CDH12: variants seen among roughly 807,000 people sequenced by gnomAD.
CDH12 encodes the protein cadherin-12.
A neutral mutation model predicts 74.1 loss-of-function variants in CDH12; 41 were observed. The observed-to-expected ratio is 0.55, with a 90% CI of 0.43 to 0.72. The LOEUF (loss-of-function observed/expected upper bound fraction) is 0.72, where lower values mean the gene tolerates loss of function less well. Among genes scored for constraint, CDH12 ranks in the 30% least tolerant of loss-of-function variants. CDH12 has a pLI of 0.00. For missense variants in CDH12, 945 were observed against 977.2 expected (o/e 0.97, Z 0.44); for synonymous variants, 399 against 355.0 (o/e 1.12, Z -1.39).
rs150664576 is a variant in CDH12, at chr5:22,736,020, T to C, written c.-523+117038A>G. Among the ~76,000 whole-genome samples, 27 of 151,996 alleles carry C rather than the reference T, an allele frequency of 1.8e-4. No homozygotes were observed. The East Asian group carries it at 4.3e-3, about 24-fold the overall frequency. On this transcript the variant is annotated intron_variant, in intron 1 of 14. Transcript: ENST00000382254. ...TATAATTCATATTCTGATTTTCTATTATCTAACAATTATTTGACCATGTCA... is the reference window on the plus strand; with the variant it reads ...TATAATTCATATTCTGATTTTCTATCATCTAACAATTATTTGACCATGTCA...
chr5:21,844,570 A>G (rs1750055508), intron 7 of CDH12, among the ~76,000 whole-genome samples: 1 of 152,128 alleles, frequency 6.6e-6, no homozygotes, highest in Non-Finnish European at 1.5e-5. Flanking sequence ...CACTCATCAG[A>G]AACAGGGTAG....
intron 5 of CDH12, among the ~76,000 whole-genome samples, chr5:22,056,753 T>C (rs556588046): frequency 5.3e-5 from 8 of 152,298 alleles, no homozygotes; most frequent in Admixed American, 3.3e-4. Flanking sequence ...ACATATATTA[T>C]CCCACATGTG....
At chr5:22,314,358 G>T in intron 3 of CDH12, among the ~76,000 whole-genome samples, 1 of 152,130 alleles carries the variant, frequency 6.6e-6, no homozygotes, top group East Asian at 1.9e-4. Context: ...AGTTAAAAAT[G>T]GGGCTTTTAG....
chr5:22,604,406 C>T (rs560574715), intron 1 of CDH12, among the ~76,000 whole-genome samples: 3 of 152,282 alleles, frequency 2.0e-5, no homozygotes, highest in African/African-American at 7.2e-5. Flanking sequence ...TCCCAAGCCA[C>T]ACATGCAGCT....
chr5:22,318,883 A>G lies in CDH12; in HGVS notation c.-333+86374T>C, dbSNP rs75068712. Among the ~76,000 whole-genome samples the G allele has an allele frequency of 1.5e-3, 225 of 151,440 alleles. 1 individual carries two copies. The highest frequency in any genetic ancestry group is 0.01 in the Middle Eastern group (3 of 294). Reference sequence around the variant, plus strand: ...TTAAAATATGCCTGTCTGGTAGGGGAAAAAAAAACAGTTAATGGCTTTGCT... The same window carrying G: ...TTAAAATATGCCTGTCTGGTAGGGGGAAAAAAAACAGTTAATGGCTTTGCT... On this transcript the variant is annotated intron_variant, in intron 3 of 14. Coordinates refer to ENST00000382254, the MANE Select transcript of CDH12 (RefSeq NM_004061.5).
intron 1 of CDH12, among the ~76,000 whole-genome samples, chr5:22,812,583 A>G (rs1372083635): frequency 6.6e-6 from 1 of 152,148 alleles, no homozygotes; most frequent in Non-Finnish European, 1.5e-5. Context: ...TCTGACAAGG[A>G]AAAAAGTAGG....
intron 4 of CDH12, among the ~76,000 whole-genome samples, chr5:22,150,171 T>C (rs1441882628): frequency 6.6e-6 from 1 of 152,048 alleles, no homozygotes; most frequent in Non-Finnish European, 1.5e-5. Context: ...GAATATTCTG[T>C]AGAAAAGTTT....
At chr5:22,645,443 A>C (rs979664860) in intron 1 of CDH12, among the ~76,000 whole-genome samples, 2 of 152,070 alleles carry the variant, frequency 1.3e-5, no homozygotes, top group Non-Finnish European at 2.9e-5. Flanking sequence ...ATAAAACTTG[A>C]ACAGATAAAG....
At chr5:22,537,960 T>G (rs1341123918) in intron 1 of CDH12, among the ~76,000 whole-genome samples, 1 of 152,196 alleles carries the variant, frequency 6.6e-6, no homozygotes, top group African/African-American at 2.4e-5. Context: ...ATTTTGGGCT[T>G]GATAATTCTT....
chr5:22,573,852 T>C (rs934391451), intron 1 of CDH12, among the ~76,000 whole-genome samples: 3 of 152,030 alleles, frequency 2.0e-5, no homozygotes, highest in African/African-American at 4.8e-5. Flanking sequence ...ATATAGACTA[T>C]AAGACACACA....
chr5:21,832,009 C>T (rs969593325), intron 8 of CDH12, among the ~76,000 whole-genome samples: 1 of 151,928 alleles, frequency 6.6e-6, no homozygotes, highest in Admixed American at 6.6e-5. Flanking sequence ...GGACCCATGG[C>T]CTTTAACATT....
At chr5:22,524,757 C>A (rs539033219) in intron 1 of CDH12, among the ~76,000 whole-genome samples, 34 of 152,078 alleles carry the variant, frequency 2.2e-4, no homozygotes, top group African/African-American at 8.0e-4. Flanking sequence ...GTATGTCCAC[C>A]AAGTGACACA....
At chr5:22,315,266 C>T (rs1472292010) in intron 3 of CDH12, among the ~76,000 whole-genome samples, 1 of 151,470 alleles carries the variant, frequency 6.6e-6, no homozygotes, top group African/African-American at 2.4e-5. Flanking sequence ...CCGGCCTGGG[C>T]TGTTTGTTCT....
chr5:21,793,191 C>G lies in CDH12; in HGVS notation c.1256+8976G>C, dbSNP rs78077203. On this transcript the variant is annotated intron_variant, in intron 10 of 14. Transcript: ENST00000382254. ...CTTGCTGAATCCCTCTAGACAGCAT[C>G]TATTTCTTCCTTCTTACAAAACTGT... is the stretch of plus-strand genomic sequence containing the variant. Among the ~76,000 whole-genome samples the G allele has an allele frequency of 5.3e-3, 802 of 151,878 alleles. 5 individuals are homozygous for G. The highest frequency in any genetic ancestry group is 0.018 in the African/African-American group (747 of 41,512).
chr5:22,591,776 T>C (rs1173906340), intron 1 of CDH12, among the ~76,000 whole-genome samples: 2 of 152,196 alleles, frequency 1.3e-5, no homozygotes, highest in African/African-American at 4.8e-5. Flanking sequence ...ATTATCTATG[T>C]GCACATACAT....
intron 1 of CDH12, among the ~76,000 whole-genome samples, chr5:22,518,049 G>T (rs985091509): frequency 6.6e-6 from 1 of 152,152 alleles, no homozygotes. Flanking sequence ...AGTGTACAAG[G>T]ATAAGACAGG....
At chr5:22,851,084 G>A (rs563575141) in intron 1 of CDH12, among the ~76,000 whole-genome samples, 7 of 152,126 alleles carry the variant, frequency 4.6e-5, no homozygotes, top group South Asian at 2.1e-4. Context: ...GTGTAAGTAC[G>A]TCACATGAGG....
chr5:21,790,666 G>C (rs1746441020), intron 10 of CDH12, among the ~76,000 whole-genome samples: 1 of 152,142 alleles, frequency 6.6e-6, no homozygotes, highest in East Asian at 1.9e-4. Context: ...AATGAAATAA[G>C]ATAAAGTATA....
intron 1 of CDH12, among the ~76,000 whole-genome samples, chr5:22,788,440 C>T (rs10068548): frequency 6.6e-6 from 1 of 150,506 alleles, no homozygotes. Flanking sequence ...GAGGTGAAAT[C>T]GAAGAAAAAA....
Sources: allele counts gnomAD v4.1 joint callset (sites outside exome capture counted in the v4.1 genomes callset), GRCh38; gene constraint gnomAD v4.1.1; transcripts MANE v1.5; gene names NCBI Gene and HGNC (gene_info 2026-07-23, HGNC 2026-07-21).